The following PTH2R variants were observed in gnomAD, a reference collection of about 807,000 sequenced individuals.
PTH2R encodes the protein PTH2 receptor.
In PTH2R, 59 loss-of-function variants were observed where a neutral mutation model predicts 60.3. The ratio of observed to expected loss-of-function variants is 0.98; its 90% CI spans 0.79 to 1.22. The LOEUF is 1.22. Among genes scored for constraint, PTH2R ranks in the 50% most tolerant of loss-of-function variants. The pLI is 0.00. For missense variants in PTH2R, 749 were observed against 682.6 expected, an observed-to-expected ratio of 1.10 and a Z score of -1.08; for synonymous variants, 256 against 243.8, an observed-to-expected ratio of 1.05 and a Z score of -0.47.
intron 2 of PTH2R, among the ~76,000 whole-genome samples, chr2:208,429,085 A>G (rs1701918582): frequency 4.6e-4 from 2 of 4,372 alleles, no homozygotes; most frequent in South Asian, 0.012. Flanking sequence ...TCTCTGTCTC[A>G]AAAAAAAAAA....
At chr2:208,366,958 C>T (rs1432896800) in intron 1 of PTH2R, among the ~76,000 whole-genome samples, 1 of 152,196 alleles carries the variant, frequency 6.6e-6, no homozygotes, top group Non-Finnish European at 1.5e-5. Flanking sequence ...TACCTCACTT[C>T]TGTTTTCTGT....
intron 1 of PTH2R, among the ~76,000 whole-genome samples, chr2:208,424,748 T>C (rs1701824192): frequency 6.6e-6 from 1 of 152,182 alleles, no homozygotes; most frequent in Non-Finnish European, 1.5e-5. Flanking sequence ...TCAGGCTAAA[T>C]CTTCCTGGGG....
chr2:208,387,957 T>A (rs985820351), intron 1 of PTH2R, among the ~76,000 whole-genome samples: 1 of 152,116 alleles, frequency 6.6e-6, no homozygotes, highest in Non-Finnish European at 1.5e-5. Flanking sequence ...CCATTCTTCC[T>A]TGAGGAGGTA....
At chr2:208,492,326 A>G (rs944773971) in intron 12 of PTH2R, among the ~76,000 whole-genome samples, 1 of 152,180 alleles carries the variant, frequency 6.6e-6, no homozygotes, top group Admixed American at 6.5e-5. Flanking sequence ...TCAGCAATTT[A>G]AGTGGTGAAA....
intron 8 of PTH2R, 136 bp downstream of exon 8, chr2:208,450,945 C>T (rs1037109237): frequency 7.9e-5 from 72 of 912,968 alleles, no homozygotes; most frequent in Non-Finnish European, 1.1e-4. Context: ...TACCTTGATG[C>T]GATGGTAGCT....
intron 4 of PTH2R, among the ~76,000 whole-genome samples, chr2:208,440,809 G>T (rs963883569): frequency 6.6e-6 from 1 of 152,232 alleles, no homozygotes; most frequent in Non-Finnish European, 1.5e-5. Context: ...TTGCCGTGAG[G>T]TCTTCACCGA....
At chr2:208,472,364 A>G (rs1702901770) in intron 9 of PTH2R, among the ~76,000 whole-genome samples, 1 of 152,210 alleles carries the variant, frequency 6.6e-6, no homozygotes, top group South Asian at 2.1e-4. Flanking sequence ...TTGATAATAG[A>G]TAACAAGTCA....
chr2:208,377,574 C>T (rs1224679590), intron 1 of PTH2R, among the ~76,000 whole-genome samples: 3 of 146,838 alleles, frequency 2.0e-5, no homozygotes, highest in African/African-American at 2.6e-5. Flanking sequence ...TGGGACGGGG[C>T]GGCTGGCCGG....
At chr2:208,389,793 TTTTC>T (rs1701072954) in intron 1 of PTH2R, among the ~76,000 whole-genome samples, 1 of 151,886 alleles carries the variant, frequency 6.6e-6, no homozygotes, top group Non-Finnish European at 1.5e-5. Flanking sequence ...CTTTTCCGCT[TTTTC>T]TTTTTTTGCG....
chr2:208,463,730 A>G (rs989856474), intron 9 of PTH2R, among the ~76,000 whole-genome samples: 1 of 152,234 alleles, frequency 6.6e-6, no homozygotes, highest in Non-Finnish European at 1.5e-5. Flanking sequence ...AAATGTCTCC[A>G]TAAAGTCATA....
chr2:208,457,530 AC>A (rs1702538535), intron 8 of PTH2R, among the ~76,000 whole-genome samples: 1 of 152,206 alleles, frequency 6.6e-6, no homozygotes, highest in African/African-American at 2.4e-5. Flanking sequence ...AATAAAACAT[AC>A]ACTTTTAAAA....
intron 1 of PTH2R, among the ~76,000 whole-genome samples, chr2:208,365,741 CTTT>C (rs776318745): frequency 6.3e-5 from 8 of 126,234 alleles, no homozygotes; most frequent in Admixed American, 2.4e-4. Context: ...GATGTAAATT[CTTT>C]TTTTTTTTTT....
At position 208,392,971 on chromosome 2, in the gene PTH2R, G is replaced by A. The variant is rs563957130; in HGVS notation, c.-259+32734G>A. Among the ~76,000 whole-genome samples, 106 of 152,332 alleles carry A rather than the reference G, an allele frequency of 7.0e-4. 1 individual carries two copies. The highest frequency in any genetic ancestry group is 3.4e-3 in the Middle Eastern group (1 of 294). On this transcript the variant is annotated intron_variant, in intron 1 of 12. Transcript: ENST00000617735. ...GCAGTTTCCACCACAGGCTGGACAGGGTCAAGGAAGGTTCGTATTGCTGTC... is the reference window on the plus strand; with the variant it reads ...GCAGTTTCCACCACAGGCTGGACAGAGTCAAGGAAGGTTCGTATTGCTGTC...
chr2:208,378,451 G>T (rs1700852113), intron 1 of PTH2R, among the ~76,000 whole-genome samples: 1 of 152,074 alleles, frequency 6.6e-6, no homozygotes, highest in Non-Finnish European at 1.5e-5. Flanking sequence ...ATAGATGATT[G>T]CCTTCCGTAG....
At position 208,442,478 on chromosome 2, in the gene PTH2R, A is replaced by G; in HGVS notation, c.509+17A>G. On this transcript the variant is annotated intron_variant, in intron 5 of 12. Transcript: ENST00000272847. ...TTACTTCAGGTGAGTGATGCCCATC[A>G]CTTTTTCCATGAAGGGGCACATTGT... is the stretch of plus-strand genomic sequence containing the variant. 1 of 1,551,652 alleles carries G rather than the reference A, an allele frequency of 6.4e-7. No homozygotes were observed. The highest frequency in any genetic ancestry group is 8.9e-7 in the Non-Finnish European group (1 of 1,123,356).
intron 1 of PTH2R, among the ~76,000 whole-genome samples, chr2:208,388,542 T>C (rs1159748638): frequency 2.0e-5 from 3 of 152,210 alleles, no homozygotes; most frequent in East Asian, 3.8e-4. Context: ...TTTATCTCCC[T>C]ATCCTTATAC....
intron 8 of PTH2R, among the ~76,000 whole-genome samples, chr2:208,455,113 G>T (rs182640011): frequency 6.6e-6 from 1 of 152,248 alleles, no homozygotes; most frequent in Admixed American, 6.5e-5. Flanking sequence ...TAACAATTGA[G>T]GGTTGATGTT....
At chr2:208,455,569 G>C (rs547869255) in intron 8 of PTH2R, among the ~76,000 whole-genome samples, 11 of 152,232 alleles carry the variant, frequency 7.2e-5, no homozygotes, top group African/African-American at 2.6e-4. Context: ...ATTTAATTTT[G>C]CCTGTAAACA....
chr2:208,394,445 A>T (rs1003384911), intron 1 of PTH2R, among the ~76,000 whole-genome samples: 1 of 152,198 alleles, frequency 6.6e-6, no homozygotes, highest in African/African-American at 2.4e-5. Context: ...TGTCCCCCCC[A>T]CCAATTATTT....
Sources: gnomAD v4.1 joint callset for allele counts (sites outside exome capture counted in the v4.1 genomes callset) on GRCh38, gnomAD v4.1.1 for gene constraint, MANE v1.5 for transcripts, NCBI Gene and HGNC (gene_info 2026-07-23, HGNC 2026-07-21) for gene names.